Variants in SMOC1 observed in about 807,000 individuals in gnomAD.
SMOC1 encodes SPARC related modular calcium binding 1.
In SMOC1, 22 loss-of-function variants were observed where a neutral mutation model predicts 56.3. The observed-to-expected ratio is 0.39, with a 90% CI of 0.28 to 0.56. The LOEUF (loss-of-function observed/expected upper bound fraction) is 0.56. SMOC1 is among the 20% of genes least tolerant of loss of function. The pLI is 0.61. For missense variants in SMOC1, 509 were observed against 565.4 expected (o/e 0.90, Z 1.01); for synonymous variants, 193 against 215.0 (o/e 0.90, Z 0.89).
At chr14:69,923,505 C>T (rs577128608) in intron 1 of SMOC1, among the ~76,000 whole-genome samples, 8 of 152,246 alleles carry the variant, frequency 5.3e-5, no homozygotes, top group African/African-American at 1.9e-4. Flanking sequence ...TCTCAATCTC[C>T]TCTACTGCCT....
chr14:69,985,919 C>T (rs959726459), intron 5 of SMOC1, among the ~76,000 whole-genome samples: 9 of 151,980 alleles, frequency 5.9e-5, no homozygotes, highest in Non-Finnish European at 1.2e-4. Flanking sequence ...ATAAATAAAC[C>T]TTTATCATAG....
intron 5 of SMOC1, among the ~76,000 whole-genome samples, chr14:69,979,718 GC>G (rs1377787068): frequency 6.6e-6 from 1 of 152,226 alleles, no homozygotes; most frequent in East Asian, 1.9e-4. Context: ...TCCCACCTCA[GC>G]CTCCCAGGTA....
At chr14:70,023,829 ATGTGTGTG>A (rs57688603) in intron 11 of SMOC1, among the ~76,000 whole-genome samples, 3 of 144,944 alleles carry the variant, frequency 2.1e-5, no homozygotes, top group African/African-American at 7.6e-5. Flanking sequence ...GAGTGTGTGT[ATGTGTGTG>A]TGTGTGTGTG....
chr14:69,953,253 A>AG (rs1883069203), intron 2 of SMOC1, among the ~76,000 whole-genome samples, 167 bp from the exon 3 acceptor site: 1 of 152,204 alleles, frequency 6.6e-6, no homozygotes, highest in Non-Finnish European at 1.5e-5. Flanking sequence ...CATACGGGGA[A>AG]GGGGGGCTGT....
chr14:69,932,620 G>C (rs115433004), intron 1 of SMOC1, among the ~76,000 whole-genome samples: 1,801 of 152,352 alleles, frequency 0.012, 35 homozygotes, highest in African/African-American at 0.041. Context: ...TTCAGTCTTT[G>C]TTCTGATATC....
chr14:69,977,514 A>T (rs1884008311), intron 4 of SMOC1, among the ~76,000 whole-genome samples: 1 of 152,176 alleles, frequency 6.6e-6, no homozygotes, highest in Non-Finnish European at 1.5e-5. Context: ...AGTAAAAGGG[A>T]GTTTCTTTTC....
chr14:69,922,216 C>A (rs1884865287), intron 1 of SMOC1, among the ~76,000 whole-genome samples: 2 of 152,214 alleles, frequency 1.3e-5, no homozygotes, highest in Non-Finnish European at 2.9e-5. Context: ...GCAAATACTG[C>A]AGGCTGGGAG....
intron 1 of SMOC1, among the ~76,000 whole-genome samples, chr14:69,916,661 C>T (rs1012156965): frequency 3.3e-5 from 5 of 152,230 alleles, no homozygotes; most frequent in African/African-American, 1.2e-4. Context: ...AATGTTCTCT[C>T]CCTAGAAAAC....
intron 7 of SMOC1, among the ~76,000 whole-genome samples, chr14:70,009,324 A>G (rs896404268): frequency 3.9e-5 from 6 of 152,182 alleles, no homozygotes; most frequent in South Asian, 2.1e-4. Flanking sequence ...TTGTTTTTCT[A>G]TCATCTGACT....
intron 10 of SMOC1, among the ~76,000 whole-genome samples, chr14:70,017,504 C>T (rs1162240632): frequency 6.6e-6 from 1 of 152,234 alleles, no homozygotes; most frequent in Non-Finnish European, 1.5e-5. Flanking sequence ...TCTGATCCCT[C>T]CTTTATCCTC....
intron 9 of SMOC1, among the ~76,000 whole-genome samples, chr14:70,011,890 A>T (rs962704361): frequency 6.6e-6 from 1 of 152,232 alleles, no homozygotes; most frequent in Non-Finnish European, 1.5e-5. Flanking sequence ...CAGAGCTGTG[A>T]GGATAAGATA....
intron 10 of SMOC1, among the ~76,000 whole-genome samples, chr14:70,017,143 T>A (rs1029937458): frequency 6.6e-6 from 1 of 152,342 alleles, no homozygotes; most frequent in Non-Finnish European, 1.5e-5. Context: ...GATGGATCCC[T>A]GTCTCGATAA....
At chr14:69,981,422 T>C (rs1029376095) in intron 5 of SMOC1, among the ~76,000 whole-genome samples, 15 of 151,944 alleles carry the variant, frequency 9.9e-5, no homozygotes, top group East Asian at 1.9e-4. Flanking sequence ...TCCTGGACCA[T>C]GTGTTTGAGT....
chr14:70,018,772 T>C (rs1003911850), intron 10 of SMOC1, among the ~76,000 whole-genome samples: 6 of 152,230 alleles, frequency 3.9e-5, no homozygotes, highest in African/African-American at 1.4e-4. Flanking sequence ...CGTGGTCCCC[T>C]GAGGGGAGAC....
chr14:69,965,144 G>A lies in SMOC1; in HGVS notation c.379-10571G>A, dbSNP rs536796692. Among the ~76,000 whole-genome samples, 271 of 152,220 alleles carry A rather than the reference G, an allele frequency of 1.8e-3. 1 individual carries two copies. The highest frequency in any genetic ancestry group is 6.2e-3 in the African/African-American group (256 of 41,532). On this transcript the variant is annotated intron_variant, in intron 3 of 11. Coordinates refer to ENST00000361956, the MANE Select transcript of SMOC1 (RefSeq NM_001034852.3). ...TGTAATCCCAGCACTTTGGGAGGCC[G>A]AGGTGGGTGAATCACCTGAGGTCAG...
At chr14:69,934,212 C>T (rs1885240036) in intron 1 of SMOC1, among the ~76,000 whole-genome samples, 1 of 152,186 alleles carries the variant, frequency 6.6e-6, no homozygotes, top group African/African-American at 2.4e-5. Flanking sequence ...CCTTCCCAAG[C>T]AGCACCCCTT....
At chr14:69,936,453 T>G (rs1885297801) in intron 1 of SMOC1, among the ~76,000 whole-genome samples, 1 of 152,352 alleles carries the variant, frequency 6.6e-6, no homozygotes, top group Admixed American at 6.5e-5. Context: ...AGTTGTTCTG[T>G]GCTGAACTGA....
chr14:69,992,463 C>T lies in SMOC1; in HGVS notation c.573C>T (p.Phe191=), dbSNP rs891957372. The T allele has an allele frequency of 6.2e-6, 10 of 1,613,250 alleles. No homozygotes were observed. The highest frequency in any genetic ancestry group is 2.2e-5 in the East Asian group (1 of 44,892). The change falls in exon 6 of 12, where the codon TTC becomes TTT. Residue 191 remains phenylalanine (F), a synonymous_variant. Transcript: ENST00000361956. The part of the protein sequence containing the change: ...PTPTMETQPV[F]DGDEITAPTL... ...CCACGATGGAGACCCAGCCGGTGTTCGATGGAGATGGTAAGATCTTGCATT... is the reference window on the plus strand; with the variant it reads ...CCACGATGGAGACCCAGCCGGTGTTTGATGGAGATGGTAAGATCTTGCATT...
chr14:69,943,681 C>T (rs928197453), intron 1 of SMOC1, among the ~76,000 whole-genome samples: 1 of 152,178 alleles, frequency 6.6e-6, no homozygotes, highest in Non-Finnish European at 1.5e-5. Flanking sequence ...GGCTTTCCCC[C>T]CCCTTTCAAT....
Sources: allele counts gnomAD v4.1 joint callset (sites outside exome capture counted in the v4.1 genomes callset), GRCh38; gene constraint gnomAD v4.1.1; transcripts MANE v1.5; gene names NCBI Gene and HGNC (gene_info 2026-07-23, HGNC 2026-07-21).